The following KCNG3 variants were observed in gnomAD, a reference collection of about 807,000 sequenced individuals.
The protein encoded by KCNG3 is voltage-gated potassium channel regulatory subunit KCNG3.
A neutral mutation model predicts 29.0 loss-of-function variants in KCNG3; 15 were observed. That is an observed-to-expected ratio of 0.52 (90% CI 0.35 to 0.80). KCNG3 has a LOEUF of 0.80. Ranked by LOEUF, KCNG3 falls within the 30% of genes least tolerant of loss-of-function variation. KCNG3 has a pLI of 0.01. For missense variants in KCNG3, 512 were observed against 605.7 expected (o/e 0.85, Z 1.62); for synonymous variants, 322 against 248.9 (o/e 1.29, Z -2.76).
At chr2:42,398,275 A>AAAATC in the KCNG3 span, among the ~76,000 whole-genome samples, 3 of 151,722 alleles carry the variant, frequency 2.0e-5, no homozygotes, top group East Asian at 5.8e-4. Context: ...AAAATAAAAT[A>AAAATC]AAATCAAGAA....
intron 1 of KCNG3, among the ~76,000 whole-genome samples, chr2:42,472,885 C>T (rs1219160369): frequency 1.6e-5 from 2 of 124,430 alleles, no homozygotes; most frequent in Admixed American, 9.1e-5. Context: ...ATAGATCTAT[C>T]GATAGATATA....
the KCNG3 span, among the ~76,000 whole-genome samples, chr2:42,400,038 G>A: frequency 6.6e-6 from 1 of 152,200 alleles, no homozygotes; most frequent in Non-Finnish European, 1.5e-5. Context: ...GAGCCTGGAA[G>A]GTCGCGGCTG....
chr2:42,484,394 G>A (rs563346837), intron 1 of KCNG3, among the ~76,000 whole-genome samples: 7 of 152,262 alleles, frequency 4.6e-5, no homozygotes, highest in Admixed American at 2.0e-4. Context: ...CCAGGGAGGC[G>A]GAGATTGCAG....
intron 1 of KCNG3, among the ~76,000 whole-genome samples, chr2:42,476,071 A>C (rs1558385979): frequency 6.7e-6 from 1 of 150,262 alleles, no homozygotes; most frequent in East Asian, 1.9e-4. Context: ...GTCTCATATA[A>C]TAATAATAAT....
chr2:42,471,354 T>C (rs903271791), intron 1 of KCNG3, among the ~76,000 whole-genome samples: 4 of 152,116 alleles, frequency 2.6e-5, no homozygotes, highest in Non-Finnish European at 4.4e-5. Context: ...AAATACCACA[T>C]GGATGAATCT....
chr2:42,452,501 T>C (rs148957139), intron 1 of KCNG3, among the ~76,000 whole-genome samples: 382 of 151,958 alleles, frequency 2.5e-3, no homozygotes, highest in African/African-American at 8.9e-3. Context: ...CCATTAACCA[T>C]ACCCACTTCC....
At chr2:42,462,473 G>C (rs1049688639) in intron 1 of KCNG3, among the ~76,000 whole-genome samples, 5 of 152,128 alleles carry the variant, frequency 3.3e-5, no homozygotes, top group Non-Finnish European at 7.4e-5. Flanking sequence ...CTTGAGGTCA[G>C]GAGTTGGAGA....
At chr2:42,429,316 T>C in the KCNG3 span, among the ~76,000 whole-genome samples, 18,253 of 152,246 alleles carry the variant, frequency 0.12, 1,192 homozygotes, top group South Asian at 0.26. Context: ...AATCTGCTTA[T>C]TTAGTAATTA....
At chr2:42,435,285 G>T in the KCNG3 span, among the ~76,000 whole-genome samples, 2 of 152,088 alleles carry the variant, frequency 1.3e-5, no homozygotes, top group African/African-American at 4.8e-5. Flanking sequence ...TCCAGGCTGG[G>T]CAACAAGAGC....
At chr2:42,392,145 C>T in the KCNG3 span, among the ~76,000 whole-genome samples, 15 of 152,236 alleles carry the variant, frequency 9.9e-5, 1 homozygote, top group South Asian at 3.1e-3. Flanking sequence ...GAAAATGATG[C>T]TAAATGTCAG....
intron 1 of KCNG3, among the ~76,000 whole-genome samples, chr2:42,472,690 G>A (rs948624988): frequency 6.6e-6 from 1 of 151,410 alleles, no homozygotes. Context: ...GGTAAAGACA[G>A]GGTTTCACCA....
intron 1 of KCNG3, among the ~76,000 whole-genome samples, chr2:42,474,571 T>C (rs1673376940): frequency 6.6e-6 from 1 of 152,118 alleles, no homozygotes; most frequent in Non-Finnish European, 1.5e-5. Flanking sequence ...TGAATCTAAA[T>C]ATTATGTTTT....
At chr2:42,406,378 C>A in the KCNG3 span, among the ~76,000 whole-genome samples, 1 of 151,652 alleles carries the variant, frequency 6.6e-6, no homozygotes, top group Non-Finnish European at 1.5e-5. Context: ...TGCCACCACA[C>A]CTGGCTAATT....
chr2:42,437,798 C>A (rs571416324), downstream of KCNG3, among the ~76,000 whole-genome samples: 11 of 151,926 alleles, frequency 7.2e-5, no homozygotes, highest in African/African-American at 2.2e-4. Flanking sequence ...ATTAGCAGGG[C>A]ATGTTGGTGG....
intron 1 of KCNG3, among the ~76,000 whole-genome samples, chr2:42,466,599 C>T (rs965162265): frequency 1.3e-5 from 2 of 152,110 alleles, no homozygotes; most frequent in South Asian, 2.1e-4. Flanking sequence ...CTCTCTATGA[C>T]GTTCACAGAG....
At chr2:42,455,038 T>C (rs190096947) in intron 1 of KCNG3, among the ~76,000 whole-genome samples, 26 of 152,362 alleles carry the variant, frequency 1.7e-4, no homozygotes, top group Admixed American at 9.8e-4. Flanking sequence ...AGATGGTAAA[T>C]TTTATATTAT....
At chr2:42,462,350 G>T (rs931494513) in intron 1 of KCNG3, among the ~76,000 whole-genome samples, 4 of 152,152 alleles carry the variant, frequency 2.6e-5, no homozygotes, top group Admixed American at 2.0e-4. Flanking sequence ...AGACCTTTTG[G>T]TATAAGACAG....
chr2:42,477,776 G>A (rs541256096), intron 1 of KCNG3, among the ~76,000 whole-genome samples: 4 of 152,044 alleles, frequency 2.6e-5, no homozygotes, highest in Non-Finnish European at 4.4e-5. Context: ...CTACTAGGGA[G>A]GCTGAGGCCA....
chr2:42,472,024 T>A (rs13000412), intron 1 of KCNG3, among the ~76,000 whole-genome samples: 1 of 152,014 alleles, frequency 6.6e-6, no homozygotes, highest in East Asian at 1.9e-4. Flanking sequence ...TTCACTACTG[T>A]TAAGAATATA....
Sources: gnomAD v4.1 joint callset for allele counts (sites outside exome capture counted in the v4.1 genomes callset) on GRCh38, gnomAD v4.1.1 for gene constraint, MANE v1.5 for transcripts, NCBI Gene and HGNC (gene_info 2026-07-23, HGNC 2026-07-21) for gene names.